Variants in PAMR1 observed in about 807,000 individuals in gnomAD.
PAMR1 encodes peptidase domain containing associated with muscle regeneration 1, also known as inactive serine protease PAMR1.
PAMR1 carries 88 observed loss-of-function variants against 81.8 expected under a neutral mutation model. That is an observed-to-expected ratio of 1.08 (90% CI 0.91 to 1.28). The LOEUF is 1.28. Ranked by LOEUF, PAMR1 falls within the 50% of genes most tolerant of loss-of-function variation. PAMR1 has a pLI of 0.00. For synonymous variants in PAMR1, 336 were observed against 345.3 expected (o/e 0.97, Z 0.30); for missense variants, 935 against 919.7 (o/e 1.02, Z -0.21).
Position 35,494,289 on chromosome 11 carries a change from G to A in PAMR1, c.74-17C>T. 1 of 1,609,264 alleles carries A rather than the reference G, an allele frequency of 6.2e-7. No homozygotes were observed. Among genetic ancestry groups the A allele is most frequent in the Non-Finnish European group, 8.5e-7 (1 of 1,176,670 alleles). ...CTGTGTACTCTGAAATGGAAAACCA[G>A]CAGGTGAGGCTAGGTCCTGGCAGGG... On this transcript the variant is annotated splice_polypyrimidine_tract_variant and intron_variant, in intron 1 of 10. Transcript: ENST00000619888.
intron 6 of PAMR1, among the ~76,000 whole-genome samples, chr11:35,463,202 G>A (rs973951248): frequency 1.3e-5 from 2 of 152,204 alleles, no homozygotes; most frequent in African/African-American, 2.4e-5. Context: ...CATAAAGTGT[G>A]CCTCTCAGCC....
intron 6 of PAMR1, among the ~76,000 whole-genome samples, chr11:35,455,375 C>A (rs1389220862): frequency 6.6e-6 from 1 of 152,154 alleles, no homozygotes; most frequent in Non-Finnish European, 1.5e-5. Flanking sequence ...GGAGTGGAGG[C>A]CCCCTCCATA....
chr11:35,432,847 C>G lies in PAMR1; in HGVS notation c.1672G>C (p.Asp558His). The change falls in exon 11 of 11, where the codon GAT (aspartate) becomes CAT (histidine). Residue 558 changes from aspartate (D) to histidine (H), a missense_variant. Physicochemically the swap from Asp to His is moderately conservative, Grantham distance 81. Coordinates refer to ENST00000619888, the MANE Select transcript of PAMR1 (RefSeq NM_001001991.3). ...AGCTTCAGGATGGCGATGTCAGCAT[C>G]AAGCAGGATGGGGTCATAGTTGGGA... ...LHPNYDPILL[D>H]ADIAILKLLD... 6.3e-7 allele frequency: 1 copy of G among 1,599,682 alleles called. No homozygotes were observed. The highest frequency in any genetic ancestry group is 1.1e-5 in the South Asian group (1 of 90,652).
intron 10 of PAMR1, among the ~76,000 whole-genome samples, chr11:35,433,643 C>T (rs1237235267): frequency 6.6e-6 from 1 of 152,182 alleles, no homozygotes; most frequent in African/African-American, 2.4e-5. Context: ...AAAACGTGCT[C>T]TATTCTTTTC....
At chr11:35,467,864 C>A in intron 6 of PAMR1, 137 bp downstream of exon 6, 1 of 524,288 alleles carries the variant, frequency 1.9e-6, no homozygotes, top group Non-Finnish European at 3.5e-6. Context: ...GAATCACTCA[C>A]TGGGAGTATC....
upstream of PAMR1, among the ~76,000 whole-genome samples, chr11:35,527,959 C>A (rs1851417921): frequency 6.6e-6 from 1 of 152,100 alleles, no homozygotes; most frequent in African/African-American, 2.4e-5. Flanking sequence ...TCCACCTGGT[C>A]CTTCCCATGA....
chr11:35,519,940 G>A (rs893867117), intron 1 of PAMR1, among the ~76,000 whole-genome samples: 3 of 152,158 alleles, frequency 2.0e-5, no homozygotes, highest in Non-Finnish European at 4.4e-5. Context: ...ATATGACCTG[G>A]GCAGGTACTG....
At chr11:35,433,838 GGATGGATGAGGGGATGGATA>G (rs1174831722) in intron 10 of PAMR1, among the ~76,000 whole-genome samples, 1 of 151,870 alleles carries the variant, frequency 6.6e-6, no homozygotes, top group Non-Finnish European at 1.5e-5. Context: ...ATGGATGGAT[GGATGGATGAGGGGATGGATA>G]GATGGAGGGA....
At chr11:35,529,595 G>A (rs949681223), upstream of PAMR1, among the ~76,000 whole-genome samples, 1 of 152,184 alleles carries the variant, frequency 6.6e-6, no homozygotes. Flanking sequence ...TAAGTCTGAA[G>A]AATAGTACCT....
intron 4 of PAMR1, among the ~76,000 whole-genome samples, 199 bp downstream of exon 4, chr11:35,474,431 C>CTG (rs968737015): frequency 2.6e-5 from 4 of 152,160 alleles, no homozygotes; most frequent in Admixed American, 2.6e-4. Context: ...ATCATCTGAG[C>CTG]CCCACGGTTC....
intron 3 of PAMR1, among the ~76,000 whole-genome samples, chr11:35,483,957 C>A (rs1406947264): frequency 2.6e-5 from 4 of 152,200 alleles, no homozygotes; most frequent in South Asian, 2.1e-4. Context: ...TATTCTCTAA[C>A]CTTAAAGGCT....
intron 8 of PAMR1, among the ~76,000 whole-genome samples, chr11:35,436,902 G>A (rs535597082): frequency 1.3e-5 from 2 of 152,160 alleles, no homozygotes; most frequent in African/African-American, 4.8e-5. Flanking sequence ...AATTGAATGA[G>A]AGAAATGTAG....
intron 1 of PAMR1, among the ~76,000 whole-genome samples, chr11:35,500,382 T>C (rs1850809235): frequency 6.6e-6 from 1 of 152,144 alleles, no homozygotes; most frequent in Non-Finnish European, 1.5e-5. Flanking sequence ...ATTTATTGAG[T>C]GTTGACTACA....
chr11:35,498,447 A>T (rs1428869552), intron 1 of PAMR1, among the ~76,000 whole-genome samples: 1 of 152,188 alleles, frequency 6.6e-6, no homozygotes, highest in Non-Finnish European at 1.5e-5. Context: ...TAGACAAAAT[A>T]ATGCATATAA....
intron 6 of PAMR1, among the ~76,000 whole-genome samples, chr11:35,466,649 C>T: frequency 6.9e-6 from 1 of 145,798 alleles, no homozygotes; most frequent in African/African-American, 2.6e-5. Flanking sequence ...ATGGCGTGAA[C>T]CCAGGAGGCG....
chr11:35,443,684 T>C (rs1172010451), intron 6 of PAMR1, among the ~76,000 whole-genome samples: 1 of 152,192 alleles, frequency 6.6e-6, no homozygotes, highest in Non-Finnish European at 1.5e-5. Context: ...TGTGCATGTA[T>C]CTTTATAATA....
At chr11:35,449,727 G>A (rs1856373053) in intron 6 of PAMR1, among the ~76,000 whole-genome samples, 1 of 152,122 alleles carries the variant, frequency 6.6e-6, no homozygotes, top group Admixed American at 6.5e-5. Context: ...AAAGGCCCTG[G>A]TGGCATGGGC....
chr11:35,482,852 A>G (rs1254985341), intron 3 of PAMR1, among the ~76,000 whole-genome samples: 1 of 152,116 alleles, frequency 6.6e-6, no homozygotes, highest in Admixed American at 6.5e-5. Context: ...TTGTTGATGT[A>G]TAGGAATGTT....
In PAMR1 at chr11:35,432,708, A is replaced by T. The variant is rs1190722852; in HGVS notation, c.1811T>A (p.Leu604Gln). The T allele has an allele frequency of 6.2e-7, 1 of 1,613,932 alleles. No individual in the cohort carries two copies. Among genetic ancestry groups the T allele is most frequent in the South Asian group, 1.1e-5 (1 of 91,068 alleles). ...GAAGCCAGGGCTCCTCACGTCTGCC[A>T]GGACATTCCAGCCAGCCACAGTGAT... ...SHITVAGWNV[L>Q]ADVRSPGFKN... The change falls in exon 11 of 11, where the codon CTG (leucine) becomes CAG (glutamine). Residue 604 changes from leucine to glutamine, a missense_variant. Transcript: ENST00000619888.
Sources: allele counts gnomAD v4.1 joint callset (sites outside exome capture counted in the v4.1 genomes callset), GRCh38; gene constraint gnomAD v4.1.1; transcripts MANE v1.5; gene names NCBI Gene and HGNC (gene_info 2026-07-23, HGNC 2026-07-21).